Variants in GRIN2A observed in about 807,000 individuals in gnomAD.
The protein encoded by GRIN2A is glutamate ionotropic receptor NMDA type subunit 2A.
A neutral mutation model predicts 113.4 loss-of-function variants in GRIN2A; 22 were observed. The observed-to-expected ratio is 0.19, with a 90% confidence interval of 0.14 to 0.28. The LOEUF (loss-of-function observed/expected upper bound fraction) is 0.28, where lower values mean the gene tolerates loss of function less well. Among genes scored for constraint, GRIN2A ranks in the 10% least tolerant of loss-of-function variants. The pLI is 1.00. For missense variants in GRIN2A, 1,502 were observed against 1,887.0 expected (o/e 0.80, Z 3.78); for synonymous variants, 827 against 738.4 (o/e 1.12, Z -1.94).
intron 2 of GRIN2A, among the ~76,000 whole-genome samples, chr16:9,976,722 G>A (rs1326885609): frequency 3.3e-5 from 5 of 152,114 alleles, no homozygotes; most frequent in South Asian, 2.1e-4. Context: ...AATCACAGGC[G>A]CACAGCTCCC....
chr16:9,852,252 G>T (rs2042896673), intron 4 of GRIN2A, among the ~76,000 whole-genome samples: 1 of 152,188 alleles, frequency 6.6e-6, no homozygotes, highest in African/African-American at 2.4e-5. Context: ...GAACCCAAAG[G>T]TGCTTTCTCG....
intron 2 of GRIN2A, among the ~76,000 whole-genome samples, chr16:10,054,904 G>A (rs773484342): frequency 1.4e-4 from 21 of 151,262 alleles, no homozygotes; most frequent in South Asian, 4.2e-4. Flanking sequence ...AAAATTAGCC[G>A]GACATGGTGG....
chr16:9,753,821 A>G lies in GRIN2A; in HGVS notation c.*9328T>C, dbSNP rs1203510862. On this transcript the variant is annotated 3_prime_UTR_variant, in exon 13 of 13. Transcript: ENST00000330684. ...CAGACAGCTTGCTTTCAGCTCCACCATACAAGACATCAAGTCAGTTCTGAT... is the reference window on the plus strand; with the variant it reads ...CAGACAGCTTGCTTTCAGCTCCACCGTACAAGACATCAAGTCAGTTCTGAT... The G allele has an allele frequency of 2.2e-5, 4 of 180,858 alleles. No individual in the cohort carries two copies. The highest frequency in any genetic ancestry group is 3.5e-5 in the Non-Finnish European group (3 of 84,706). The allele number at this position is 180,858 out of a possible 1,614,324, so 11.2% of individuals were successfully genotyped here.
intron 4 of GRIN2A, among the ~76,000 whole-genome samples, chr16:9,856,270 A>G (rs2042965317): frequency 6.6e-6 from 1 of 152,144 alleles, no homozygotes; most frequent in Non-Finnish European, 1.5e-5. Flanking sequence ...CAGCTTAATC[A>G]CTACCTCCCT....
chr16:10,044,267 C>T (rs559330891), intron 2 of GRIN2A, among the ~76,000 whole-genome samples: 3 of 152,042 alleles, frequency 2.0e-5, no homozygotes, highest in East Asian at 3.9e-4. Flanking sequence ...GTCCTGACCT[C>T]GTGATCCACC....
At chr16:10,165,964 T>C (rs950931620) in intron 2 of GRIN2A, among the ~76,000 whole-genome samples, 3 of 152,184 alleles carry the variant, frequency 2.0e-5, no homozygotes, top group Admixed American at 6.5e-5. Flanking sequence ...ATGGAAGCCA[T>C]GCACACACCC....
At chr16:9,777,138 C>A (rs1048614139) in intron 11 of GRIN2A, among the ~76,000 whole-genome samples, 2 of 152,132 alleles carry the variant, frequency 1.3e-5, no homozygotes, top group African/African-American at 2.4e-5. Context: ...GCAAGTCCAC[C>A]CTCCCAGATG....
rs571501263 is a variant in GRIN2A at position 10,172,963 on chromosome 16, C to A, written c.414+7035G>T. Among the ~76,000 whole-genome samples the A allele has an allele frequency of 3.3e-5, 5 of 152,246 alleles. No homozygotes were observed. The East Asian group carries it at 9.7e-4, about 29-fold the overall frequency. The stretch of plus-strand genomic sequence containing the variant: ...TCTCTTTCCCCACTCACTCTGCCTA[C>A]AGTAGCATTTTCCATCTGAGGCTAT... On this transcript the variant is annotated intron_variant, in intron 2 of 12. Coordinates refer to ENST00000330684, the MANE Select transcript of GRIN2A (RefSeq NM_001134407.3).
chr16:10,103,113 C>A (rs1287848578), intron 2 of GRIN2A, among the ~76,000 whole-genome samples: 2 of 152,146 alleles, frequency 1.3e-5, no homozygotes, highest in Admixed American at 6.5e-5. Context: ...ATAGGAGACC[C>A]ACTCGCAACT....
chr16:10,082,793 A>G (rs2048009091), intron 2 of GRIN2A, among the ~76,000 whole-genome samples: 1 of 152,244 alleles, frequency 6.6e-6, no homozygotes, highest in Admixed American at 6.5e-5. Flanking sequence ...CAAGCCAAGA[A>G]CAAATAATAC....
chr16:9,793,844 C>A (rs1305310376), intron 11 of GRIN2A, among the ~76,000 whole-genome samples: 2 of 151,870 alleles, frequency 1.3e-5, no homozygotes, highest in African/African-American at 4.8e-5. Context: ...TATATATACA[C>A]GTGTGATATA....
chr16:9,770,871 T>C (rs1455488345), intron 11 of GRIN2A, among the ~76,000 whole-genome samples: 1 of 152,226 alleles, frequency 6.6e-6, no homozygotes, highest in Non-Finnish European at 1.5e-5. Context: ...CCCCGCTCCC[T>C]TCGGTTTTCC....
At position 10,108,013 on chromosome 16, in the gene GRIN2A, T is replaced by A. The variant is rs117382374; in HGVS notation, c.414+71985A>T. Reference sequence around the variant, plus strand: ...CCAACCCTGGGCTAGATCCTACTCATGTATGTCTCATCCAGTTCCTCCCAA... The same window carrying A: ...CCAACCCTGGGCTAGATCCTACTCAAGTATGTCTCATCCAGTTCCTCCCAA... On this transcript the variant is annotated intron_variant, in intron 2 of 12. Coordinates refer to ENST00000330684, the MANE Select transcript of GRIN2A (RefSeq NM_001134407.3). Among the ~76,000 whole-genome samples, 669 of 152,348 alleles carry A rather than the reference T, an allele frequency of 4.4e-3. 1 individual carries two copies. Among genetic ancestry groups the A allele is most frequent in the Middle Eastern group, 6.8e-3 (2 of 294 alleles).
chr16:9,936,598 G>A (rs2044718628), intron 3 of GRIN2A, among the ~76,000 whole-genome samples: 1 of 151,942 alleles, frequency 6.6e-6, no homozygotes, highest in Admixed American at 6.6e-5. Flanking sequence ...CATAATGATG[G>A]GCCACAAGGA....
Position 9,897,470 on chromosome 16 carries a change from C to T in GRIN2A, c.1008-6370G>A, listed in dbSNP as rs1367061398. ...GTCCAATTCTCACTAGGCCTGCTATCACGTTAGATAGCCAGCCACCAACCA... is the reference window on the plus strand; with the variant it reads ...GTCCAATTCTCACTAGGCCTGCTATTACGTTAGATAGCCAGCCACCAACCA... On this transcript the variant is annotated intron_variant, in intron 3 of 12. Coordinates refer to ENST00000330684, the MANE Select transcript of GRIN2A (RefSeq NM_001134407.3). Among the ~76,000 whole-genome samples the T allele has an allele frequency of 2.0e-5, 3 of 152,096 alleles. No homozygotes were observed. In the East Asian group the frequency reaches 5.8e-4, roughly 29 times the overall value.
At chr16:9,980,312 G>C (rs1231084014) in intron 2 of GRIN2A, among the ~76,000 whole-genome samples, 1 of 151,916 alleles carries the variant, frequency 6.6e-6, no homozygotes, top group East Asian at 1.9e-4. Context: ...AGTTAGAATG[G>C]CGATCATTAA....
chr16:10,046,355 C>T (rs1202876382), intron 2 of GRIN2A, among the ~76,000 whole-genome samples: 1 of 150,666 alleles, frequency 6.6e-6, no homozygotes, highest in Non-Finnish European at 1.5e-5. Flanking sequence ...AAAGCCATGG[C>T]TCCTCAGTTA....
chr16:10,164,760 A>G (rs1407673181), intron 2 of GRIN2A, among the ~76,000 whole-genome samples: 1 of 152,240 alleles, frequency 6.6e-6, no homozygotes, highest in Non-Finnish European at 1.5e-5. Flanking sequence ...CATTTACACA[A>G]TGAGAAATAT....
intron 2 of GRIN2A, among the ~76,000 whole-genome samples, chr16:10,135,031 G>A (rs1198884262): frequency 6.6e-6 from 1 of 152,198 alleles, no homozygotes; most frequent in Non-Finnish European, 1.5e-5. Flanking sequence ...CAGATAGGCT[G>A]AGAATTTCCC....
Sources: allele counts gnomAD v4.1 joint callset (sites outside exome capture counted in the v4.1 genomes callset), GRCh38; gene constraint gnomAD v4.1.1; transcripts MANE v1.5; gene names NCBI Gene and HGNC (gene_info 2026-07-23, HGNC 2026-07-21).